Variants in OTUD7A observed in about 807,000 individuals in gnomAD.
OTUD7A encodes the protein OTU domain-containing protein 7A.
In OTUD7A, 12 loss-of-function variants were observed where a neutral mutation model predicts 65.7. That is an observed-to-expected ratio of 0.18 (90% CI 0.12 to 0.30). OTUD7A has a LOEUF of 0.30. Among genes scored for constraint, OTUD7A ranks in the 10% least tolerant of loss-of-function variants. OTUD7A has a pLI of 1.00. For missense variants in OTUD7A, 1,148 were observed against 1,304.8 expected, an observed-to-expected ratio of 0.88 and a Z score of 1.85; for synonymous variants, 641 against 586.3, an observed-to-expected ratio of 1.09 and a Z score of -1.35.
intron 5 of OTUD7A, among the ~76,000 whole-genome samples, chr15:31,535,912 C>T (rs572597181): frequency 1.3e-5 from 2 of 152,084 alleles, no homozygotes; most frequent in South Asian, 4.2e-4. Context: ...AATCTCCTGA[C>T]CTCGTGATCC....
intron 3 of OTUD7A, among the ~76,000 whole-genome samples, chr15:31,597,586 T>C (rs1178911731): frequency 3.5e-4 from 54 of 152,194 alleles, no homozygotes; most frequent in Non-Finnish European, 2.9e-5. Context: ...TCCATCCTGT[T>C]CTGGGATACA....
Position 31,484,087 on chromosome 15 carries a change from T to C in OTUD7A, c.2009A>G (p.Glu670Gly). 1 of 1,598,598 alleles carries C rather than the reference T, an allele frequency of 6.3e-7. No individual in the cohort carries two copies. The change falls in exon 13 of 13, where the codon GAG (glutamate) becomes GGG (glycine). Residue 670 changes from glutamate (E) to glycine (G), a missense_variant. Coordinates refer to ENST00000307050, the MANE Select transcript of OTUD7A (RefSeq NM_001382637.1). This position sits in a 1 kb window ranked among gnomAD's most constrained non-coding sequence, Gnocchi z 4.5. The stretch of plus-strand genomic sequence containing the variant: ...CTGCTCCTGCTCGGCGCTGAAGCGC[T>C]CCTGCGCGCTCGTCAGGTAGTAGCC... ...MIGYYLTSAQ[E>G]RFSAEQEQRR... is the part of the protein sequence containing the mutation.
intron 10 of OTUD7A, among the ~76,000 whole-genome samples, chr15:31,492,259 G>A (rs547051216): frequency 6.6e-6 from 1 of 152,330 alleles, no homozygotes; most frequent in East Asian, 1.9e-4. Context: ...AACATGTGAA[G>A]TCAAGTAATA....
At chr15:31,674,786 T>C (rs537918525) in intron 1 of OTUD7A, among the ~76,000 whole-genome samples, 1 of 152,318 alleles carries the variant, frequency 6.6e-6, no homozygotes, top group East Asian at 1.9e-4. Flanking sequence ...GATGCCTTTT[T>C]CCCCTTCTTT....
At chr15:31,515,487 C>T (rs1277469888) in intron 8 of OTUD7A, among the ~76,000 whole-genome samples, 1 of 152,156 alleles carries the variant, frequency 6.6e-6, no homozygotes, top group Non-Finnish European at 1.5e-5. Flanking sequence ...ACTTACTATA[C>T]ACTGGTGCTG....
At chr15:31,688,153 T>C (rs987873630) in intron 1 of OTUD7A, among the ~76,000 whole-genome samples, 3 of 151,316 alleles carry the variant, frequency 2.0e-5, no homozygotes, top group South Asian at 2.1e-4. Flanking sequence ...TAGGTGGAGG[T>C]TGCAGTGAGC....
chr15:31,720,815 C>T (rs1595726384), intron 1 of OTUD7A, among the ~76,000 whole-genome samples: 2 of 150,996 alleles, frequency 1.3e-5, no homozygotes, highest in Admixed American at 6.6e-5. Context: ...TCACATTCAC[C>T]GCTCACTCAC....
At chr15:31,829,289 C>T (rs1368911045) in intron 1 of OTUD7A, among the ~76,000 whole-genome samples, 3 of 152,320 alleles carry the variant, frequency 2.0e-5, no homozygotes, top group South Asian at 4.1e-4. Context: ...CTGACTCAAG[C>T]GTGGCCTGGC....
intron 10 of OTUD7A, among the ~76,000 whole-genome samples, chr15:31,495,690 A>G (rs1247499366): frequency 6.6e-6 from 1 of 152,188 alleles, no homozygotes; most frequent in Non-Finnish European, 1.5e-5. Flanking sequence ...TTTCAGTGGC[A>G]ACTGACAAAC....
intron 3 of OTUD7A, among the ~76,000 whole-genome samples, chr15:31,642,288 T>C (rs1271827289): frequency 6.6e-6 from 1 of 152,226 alleles, no homozygotes; most frequent in Admixed American, 6.5e-5. Context: ...GGTAGTATCC[T>C]TTTTATATGC....
At chr15:31,775,148 C>T (rs1003071524) in intron 1 of OTUD7A, among the ~76,000 whole-genome samples, 2 of 151,664 alleles carry the variant, frequency 1.3e-5, no homozygotes, top group African/African-American at 4.8e-5. Context: ...TTACCCATTC[C>T]AAAGTTTTAT....
At chr15:31,528,622 C>T (rs938230431) in intron 6 of OTUD7A, among the ~76,000 whole-genome samples, 3 of 152,256 alleles carry the variant, frequency 2.0e-5, no homozygotes, top group Admixed American at 6.5e-5. Context: ...CATCCTCAGA[C>T]CTCTTTCAGC....
At chr15:31,588,559 T>A (rs1021511335) in intron 3 of OTUD7A, among the ~76,000 whole-genome samples, 9 of 152,202 alleles carry the variant, frequency 5.9e-5, no homozygotes, top group African/African-American at 2.2e-4. Flanking sequence ...ACCACCTCAA[T>A]ATTTAACAGA....
intron 1 of OTUD7A, among the ~76,000 whole-genome samples, chr15:31,675,330 G>A (rs1245731997): frequency 6.6e-6 from 1 of 152,062 alleles, no homozygotes; most frequent in Admixed American, 6.6e-5. Context: ...CCTCATTCTC[G>A]TACATGTGAG....
chr15:31,695,861 AGG>A (rs1893068025), intron 1 of OTUD7A, among the ~76,000 whole-genome samples: 1 of 150,294 alleles, frequency 6.7e-6, no homozygotes, highest in African/African-American at 2.4e-5. Context: ...AGGAGGGCAG[AGG>A]TCTCTGGTGT....
chr15:31,743,143 A>C (rs1206976304), intron 1 of OTUD7A, among the ~76,000 whole-genome samples: 1 of 151,968 alleles, frequency 6.6e-6, no homozygotes, highest in African/African-American at 2.4e-5. Flanking sequence ...AAAACTGTAA[A>C]ATATAATTTT....
intron 1 of OTUD7A, among the ~76,000 whole-genome samples, chr15:31,770,368 AAAAG>A: frequency 6.6e-6 from 1 of 152,250 alleles, no homozygotes; most frequent in Non-Finnish European, 1.5e-5. Flanking sequence ...AGATTATACA[AAAAG>A]AAAGTAGAAA....
chr15:31,759,084 C>G (rs766073868), intron 1 of OTUD7A, among the ~76,000 whole-genome samples: 9 of 152,186 alleles, frequency 5.9e-5, no homozygotes, highest in Non-Finnish European at 1.3e-4. Context: ...TAACCCTCCA[C>G]CCAGGGACAC....
chr15:31,726,294 G>C (rs548575997), intron 1 of OTUD7A, among the ~76,000 whole-genome samples: 2 of 151,928 alleles, frequency 1.3e-5, no homozygotes, highest in East Asian at 1.9e-4. Flanking sequence ...CTGGACTCTT[G>C]AAACTGAATT....
Sources: allele counts gnomAD v4.1 joint callset (sites outside exome capture counted in the v4.1 genomes callset), GRCh38; gene constraint gnomAD v4.1.1; non-coding constraint Gnocchi (gnomAD v3.1); transcripts MANE v1.5; gene names NCBI Gene and HGNC (gene_info 2026-07-23, HGNC 2026-07-21).